The following PPP2R3A variants were observed in gnomAD, a reference collection of about 807,000 sequenced individuals.
PPP2R3A encodes the protein serine/threonine-protein phosphatase 2A regulatory subunit B'' subunit alpha.
A neutral mutation model predicts 106.9 loss-of-function variants in PPP2R3A; 80 were observed. The observed-to-expected ratio is 0.75, with a 90% CI of 0.62 to 0.90. The LOEUF (loss-of-function observed/expected upper bound fraction) is 0.90, where lower values mean the gene tolerates loss of function less well. Among genes scored for constraint, PPP2R3A ranks in the 40% least tolerant of loss-of-function variants. The probability of loss-of-function intolerance (pLI) is 0.00; values close to 1 mark genes in which losing one functional copy is unlikely to be tolerated. For missense variants in PPP2R3A, 1,386 were observed against 1,350.4 expected (o/e 1.03, Z -0.41); for synonymous variants, 483 against 468.3 (o/e 1.03, Z -0.41).
At chr3:136,142,987 C>G (rs919983131) in intron 13 of PPP2R3A, among the ~76,000 whole-genome samples, 16 of 152,194 alleles carry the variant, frequency 1.1e-4, no homozygotes, top group African/African-American at 3.1e-4. Flanking sequence ...AAGTTCCTCT[C>G]CTATTGCCTC....
At position 136,146,134 on chromosome 3, in the gene PPP2R3A, G is replaced by C. The variant is rs1294694359; in HGVS notation, c.*968G>C. 6.6e-6 allele frequency: 1 copy of C among 152,074 alleles called. No individual in the cohort carries two copies. The highest frequency in any genetic ancestry group is 1.5e-5 in the Non-Finnish European group (1 of 68,028). 9.4% of individuals were successfully genotyped at this position (152,074 alleles called of 1,614,324 possible). ...CTTCATGTTGAAAACAATTACTACA[G>C]ATATTTCATCCACCTCAGTATTTAT... On this transcript the variant is annotated 3_prime_UTR_variant, in exon 14 of 14. Transcript: ENST00000264977.
chr3:135,988,913 A>G (rs1933045609), intron 1 of PPP2R3A, among the ~76,000 whole-genome samples: 1 of 152,156 alleles, frequency 6.6e-6, no homozygotes, highest in Non-Finnish European at 1.5e-5. Flanking sequence ...GCACCTATTG[A>G]TTATCTCACC....
At chr3:136,047,855 A>C (rs1176327379) in intron 4 of PPP2R3A, among the ~76,000 whole-genome samples, 1 of 151,884 alleles carries the variant, frequency 6.6e-6, no homozygotes, top group African/African-American at 2.4e-5. Context: ...CAGTGAGCTG[A>C]GATTGCGCCA....
intron 1 of PPP2R3A, among the ~76,000 whole-genome samples, chr3:135,966,500 C>A (rs1395716502): frequency 2.6e-5 from 4 of 152,062 alleles, no homozygotes; most frequent in African/African-American, 9.7e-5. Context: ...CCGCGCCGAC[C>A]TGGCCGCCGC....
At chr3:135,976,489 C>G (rs553721579) in intron 1 of PPP2R3A, among the ~76,000 whole-genome samples, 4 of 152,190 alleles carry the variant, frequency 2.6e-5, no homozygotes, top group Admixed American at 2.6e-4. Context: ...TGTTTAAGCA[C>G]TCATATTGCA....
chr3:136,070,341 G>A (rs1936388249), intron 5 of PPP2R3A, 137 bp from the exon 6 acceptor site: 6 of 600,256 alleles, frequency 1.0e-5, no homozygotes, highest in South Asian at 2.4e-5. Context: ...ATTTAATAAA[G>A]AATTAAATTT....
chr3:136,027,062 G>A lies in PPP2R3A; in HGVS notation c.2226G>A (p.Gln742=). The change falls in exon 3 of 14, where the codon CAG becomes CAA. Residue 742 remains glutamine (Q), a synonymous_variant. Transcript: ENST00000264977. The stretch of plus-strand genomic sequence containing the variant: ...CTGCTTTCATGGATATTGAAGAACA[G>A]AAAGCAGACATTTATGAAATGGGGA... ...IETAFMDIEE[Q]KADIYEMGKI... 1 of 1,613,506 alleles carries A rather than the reference G, an allele frequency of 6.2e-7. No individual in the cohort carries two copies. The highest frequency in any genetic ancestry group is 8.5e-7 in the Non-Finnish European group (1 of 1,179,618).
chr3:136,103,171 C>G (rs1327941757), intron 11 of PPP2R3A, 87 bp from the exon 12 acceptor site: 1 of 704,290 alleles, frequency 1.4e-6, no homozygotes, highest in Non-Finnish European at 2.4e-6. Context: ...AAACATATAC[C>G]TATACTTTTA....
At chr3:136,048,381 T>C (rs1935548226) in intron 4 of PPP2R3A, among the ~76,000 whole-genome samples, 1 of 152,030 alleles carries the variant, frequency 6.6e-6, no homozygotes, top group Non-Finnish European at 1.5e-5. Flanking sequence ...GTCAAGAAGC[T>C]AGGACTTTAG....
intron 3 of PPP2R3A, among the ~76,000 whole-genome samples, chr3:136,033,060 A>G (rs553118378): frequency 1.2e-4 from 18 of 152,212 alleles, no homozygotes; most frequent in South Asian, 8.3e-4. Context: ...TTGTATGCCA[A>G]TTTTGCTGAG....
At position 136,070,530 on chromosome 3, in the gene PPP2R3A, T is replaced by TC. The variant is rs1412671231; in HGVS notation, c.2524dup (p.His842ProfsTer57). The TC allele has an allele frequency of 6.2e-7, 1 of 1,611,328 alleles. No individual in the cohort carries two copies. Among genetic ancestry groups the TC allele is most frequent in the Non-Finnish European group, 8.5e-7 (1 of 1,179,042 alleles). On this transcript the variant is annotated frameshift_variant, in exon 6 of 14. Transcript: ENST00000264977. LOFTEE classifies it high-confidence loss of function. ...ACGTTCCTGAAAGATGCTCCAGAAT[T>TC]CCACTCCCGCTACATCACCACGGTA...
intron 13 of PPP2R3A, among the ~76,000 whole-genome samples, chr3:136,143,488 C>T (rs1016381263): frequency 6.6e-6 from 1 of 151,762 alleles, no homozygotes; most frequent in South Asian, 2.1e-4. Flanking sequence ...AAGACTCCAT[C>T]TCAAAAACAA....
chr3:135,993,276 A>G (rs980560102), intron 1 of PPP2R3A, among the ~76,000 whole-genome samples: 3 of 152,206 alleles, frequency 2.0e-5, no homozygotes, highest in African/African-American at 7.2e-5. Flanking sequence ...ACAAAAGAAG[A>G]TATATATGAA....
intron 1 of PPP2R3A, among the ~76,000 whole-genome samples, chr3:135,988,313 T>A (rs1024110518): frequency 1.3e-5 from 2 of 152,170 alleles, no homozygotes; most frequent in Middle Eastern, 3.4e-3. Context: ...CTCTGTTTTC[T>A]ATAAAACCCA....
chr3:135,969,776 C>A (rs544372298), intron 1 of PPP2R3A, among the ~76,000 whole-genome samples: 1 of 152,128 alleles, frequency 6.6e-6, no homozygotes, highest in Non-Finnish European at 1.5e-5. Context: ...CTGAAGATTT[C>A]TCATGAAAAA....
At chr3:136,013,401 T>C (rs1190219883) in intron 2 of PPP2R3A, among the ~76,000 whole-genome samples, 3 of 152,184 alleles carry the variant, frequency 2.0e-5, no homozygotes, top group Non-Finnish European at 4.4e-5. Flanking sequence ...AAATGGTAGA[T>C]CTACTTTCAG....
intron 2 of PPP2R3A, chr3:136,023,259 A>T (rs980832726): frequency 1.5e-5 from 22 of 1,470,444 alleles, no homozygotes; most frequent in South Asian, 2.5e-5. Flanking sequence ...AAATATTTTT[A>T]TTACTAATAA....
At chr3:136,143,205 T>C (rs1938947919) in intron 13 of PPP2R3A, among the ~76,000 whole-genome samples, 1 of 152,244 alleles carries the variant, frequency 6.6e-6, no homozygotes. Context: ...AATGTTGGCC[T>C]AGGCTGGGTG....
chr3:136,114,742 C>T (rs1167467479), intron 13 of PPP2R3A, among the ~76,000 whole-genome samples: 1 of 152,230 alleles, frequency 6.6e-6, no homozygotes, highest in African/African-American at 2.4e-5. Flanking sequence ...TTGCTCCTCT[C>T]TGGGCAGGGC....
Sources: gnomAD v4.1 joint callset for allele counts (sites outside exome capture counted in the v4.1 genomes callset) on GRCh38, gnomAD v4.1.1 for gene constraint, MANE v1.5 for transcripts, NCBI Gene and HGNC (gene_info 2026-07-23, HGNC 2026-07-21) for gene names.